The following DOCK7 variants were observed in gnomAD, a reference collection of about 807,000 sequenced individuals.
DOCK7 encodes the protein dedicator of cytokinesis protein 7.
DOCK7 carries 138 observed loss-of-function variants against 271.0 expected under a neutral mutation model. The observed-to-expected ratio is 0.51, with a 90% confidence interval of 0.44 to 0.59. The LOEUF is 0.59. DOCK7 is among the 20% of genes least tolerant of loss of function. DOCK7 has a pLI of 0.00. For missense variants in DOCK7, 2,066 were observed against 2,592.4 expected (o/e 0.80, Z 4.41); for synonymous variants, 823 against 876.1 (o/e 0.94, Z 1.07).
chr1:62,607,386 T>C (rs1239028141), intron 14 of DOCK7, among the ~76,000 whole-genome samples: 1 of 152,208 alleles, frequency 6.6e-6, no homozygotes, highest in Non-Finnish European at 1.5e-5. Flanking sequence ...CTCAACTTTG[T>C]AAACTACCTC....
intron 48 of DOCK7, among the ~76,000 whole-genome samples, 168 bp downstream of exon 48, chr1:62,473,814 G>A (rs942252800): frequency 4.6e-5 from 7 of 151,970 alleles, no homozygotes; most frequent in Admixed American, 3.3e-4. Flanking sequence ...CAAACTCCTG[G>A]CCTCAAATGA....
At chr1:62,680,529 T>C (rs1049899510) in intron 1 of DOCK7, among the ~76,000 whole-genome samples, 2 of 151,594 alleles carry the variant, frequency 1.3e-5, no homozygotes, top group Non-Finnish European at 2.9e-5. Context: ...AAAGCCAAAA[T>C]TGACAAATGG....
Position 62,631,409 on chromosome 1 carries a change from C to A in DOCK7, c.1117-4G>T. The A allele has an allele frequency of 6.3e-7, 1 of 1,590,936 alleles. No homozygotes were observed. Among genetic ancestry groups the A allele is most frequent in the South Asian group, 1.2e-5 (1 of 86,260 alleles). ...GTTTCTCCAGTTTTTCTTTATTCTG[C>A]AAAACAGAACTTTATACATTATATG... On this transcript the variant is annotated splice_region_variant and splice_polypyrimidine_tract_variant and intron_variant, in intron 10 of 49. Transcript: ENST00000635253.
rs368824918 is a variant in DOCK7, at chr1:62,681,223, A to G, written c.38+7004T>C. ...TGCAGCCATAAAAAAGGATGAGTTC[A>G]TGTCCTTTGTAGGGACATGGATGAA... On this transcript the variant is annotated intron_variant, in intron 1 of 49. Transcript: ENST00000635253. Among the ~76,000 whole-genome samples, 50 of 152,262 alleles carry G rather than the reference A, an allele frequency of 3.3e-4. No individual in the cohort carries two copies. In the East Asian group the frequency reaches 6.6e-3, roughly 20 times the overall value.
At chr1:62,563,762 A>G (rs4915621) in intron 18 of DOCK7, among the ~76,000 whole-genome samples, 87,241 of 150,618 alleles carry the variant, frequency 0.58, 27,050 homozygotes, top group East Asian at 0.76. Context: ...CAAACTGGAT[A>G]AAGAGTCAAG....
chr1:62,465,762 G>A (rs1239077139), intron 48 of DOCK7, among the ~76,000 whole-genome samples: 2 of 152,140 alleles, frequency 1.3e-5, no homozygotes, highest in African/African-American at 2.4e-5. Flanking sequence ...ATCTTGGCCA[G>A]GCTGGTCTTG....
At chr1:62,495,849 G>A in intron 38 of DOCK7, 168 bp from the exon 39 acceptor site, 1 of 504,420 alleles carries the variant, frequency 2.0e-6, no homozygotes, top group Non-Finnish European at 3.3e-6. Flanking sequence ...GTAAGTGAAG[G>A]GTAGTAAACT....
At chr1:62,520,702 T>C (rs541469261) in intron 31 of DOCK7, among the ~76,000 whole-genome samples, 1 of 152,310 alleles carries the variant, frequency 6.6e-6, no homozygotes, top group Non-Finnish European at 1.5e-5. Flanking sequence ...TGCTGATTCC[T>C]GAAGGATCTA....
chr1:62,456,032 T>C lies in DOCK7; in HGVS notation c.6381-576A>G, dbSNP rs2149216532. 2.0e-5 allele frequency among the ~76,000 whole-genome samples: 3 copies of C among 152,326 alleles called. No individual in the cohort carries two copies. In the South Asian group the frequency reaches 6.2e-4, roughly 32 times the overall value. ...AGAAGCTTTAGGAGAGTGGTACTCA[T>C]GTAGGAGTGTGGCTTAATGCCTATG... On this transcript the variant is annotated intron_variant, in intron 49 of 49. Coordinates refer to ENST00000635253, the MANE Select transcript of DOCK7 (RefSeq NM_001367561.1).
At chr1:62,605,030 GT>G in intron 14 of DOCK7, 3 of 499,952 alleles carry the variant, frequency 6.0e-6, no homozygotes, top group Non-Finnish European at 1.0e-5. Context: ...AATACTATTT[GT>G]TTTAAATTTT....
At chr1:62,657,456 C>T (rs1173906805) in intron 2 of DOCK7, among the ~76,000 whole-genome samples, 1 of 151,980 alleles carries the variant, frequency 6.6e-6, no homozygotes, top group Non-Finnish European at 1.5e-5. Context: ...TAAATAAGAC[C>T]TAGAAATTAA....
chr1:62,525,156 C>T (rs1391517292), intron 31 of DOCK7, among the ~76,000 whole-genome samples: 1 of 151,144 alleles, frequency 6.6e-6, no homozygotes, highest in African/African-American at 2.4e-5. Flanking sequence ...CAGGCGCCCA[C>T]CACCATGTCT....
intron 31 of DOCK7, among the ~76,000 whole-genome samples, chr1:62,525,554 A>C (rs930466026): frequency 5.3e-5 from 8 of 152,342 alleles, no homozygotes; most frequent in Admixed American, 1.3e-4. Context: ...AAAAAATAAA[A>C]AGGTTAATAC....
At chr1:62,540,653 T>A (rs1185044321) in intron 25 of DOCK7, among the ~76,000 whole-genome samples, 2 of 152,164 alleles carry the variant, frequency 1.3e-5, no homozygotes, top group East Asian at 1.9e-4. Context: ...TGTATTGTAT[T>A]TGTACTGAAT....
chr1:62,484,501 T>G (rs1284718686), intron 43 of DOCK7: 1 of 152,196 alleles, frequency 6.6e-6, no homozygotes, highest in Non-Finnish European at 1.5e-5. Context: ...TTTTTAACCC[T>G]GACCCTAAGA....
intron 14 of DOCK7, among the ~76,000 whole-genome samples, chr1:62,617,745 CA>C (rs1652632713): frequency 6.6e-6 from 1 of 151,400 alleles, no homozygotes; most frequent in South Asian, 2.1e-4. Flanking sequence ...TTTAATGTAG[CA>C]ATTATAAAAT....
chr1:62,498,520 CTA>C (rs1422038381), intron 37 of DOCK7, among the ~76,000 whole-genome samples: 1 of 151,942 alleles, frequency 6.6e-6, no homozygotes, highest in East Asian at 1.9e-4. Flanking sequence ...CCATCTACTG[CTA>C]TGTTTTACTT....
intron 24 of DOCK7, 160 bp downstream of exon 24, chr1:62,543,495 TG>T: frequency 2.1e-6 from 1 of 468,678 alleles, no homozygotes; most frequent in Admixed American, 3.5e-5. Context: ...TGACAAGATA[TG>T]CCCCAAAAGG....
At chr1:62,473,772 A>G (rs1645897237) in intron 48 of DOCK7, among the ~76,000 whole-genome samples, 1 of 151,902 alleles carries the variant, frequency 6.6e-6, no homozygotes. Flanking sequence ...TTTCGTAGAG[A>G]TGGGGTCTTG....
Sources: gnomAD v4.1 joint callset for allele counts (sites outside exome capture counted in the v4.1 genomes callset) on GRCh38, gnomAD v4.1.1 for gene constraint, MANE v1.5 for transcripts, NCBI Gene and HGNC (gene_info 2026-07-23, HGNC 2026-07-21) for gene names.